Variants in SGCD observed in about 807,000 individuals in gnomAD.
SGCD encodes sarcoglycan delta.
SGCD carries 18 observed loss-of-function variants against 36.6 expected under a neutral mutation model. The ratio of observed to expected loss-of-function variants is 0.49; its 90% CI spans 0.34 to 0.73. The LOEUF (loss-of-function observed/expected upper bound fraction) is 0.73. SGCD is among the 30% of genes least tolerant of loss of function. The pLI, the probability that SGCD is intolerant of heterozygous loss-of-function variation, is 0.01. For synonymous variants in SGCD, 133 were observed against 130.6 expected, an observed-to-expected ratio of 1.02 and a Z score of -0.12; for missense variants, 387 against 346.7, an observed-to-expected ratio of 1.12 and a Z score of -0.92.
intron 3 of SGCD, among the ~76,000 whole-genome samples, chr5:156,422,245 A>G (rs1773343688): frequency 6.6e-6 from 1 of 152,118 alleles, no homozygotes; most frequent in Non-Finnish European, 1.5e-5. Flanking sequence ...GTCCAAAACA[A>G]TATCCCTGTT....
At chr5:155,838,053 G>A in the SGCD span, among the ~76,000 whole-genome samples, 11 of 152,054 alleles carry the variant, frequency 7.2e-5, no homozygotes, top group African/African-American at 2.2e-4. Flanking sequence ...AACTCCTACC[G>A]ATGCTCCCTC....
rs554816478 is a variant in SGCD at position 156,075,522 on chromosome 5, G to A, written c.-281-42356G>A. Among the ~76,000 whole-genome samples, 55 of 152,238 alleles carry A rather than the reference G, an allele frequency of 3.6e-4. 1 individual carries two copies. Among genetic ancestry groups the A allele is most frequent in the African/African-American group, 1.3e-3 (52 of 41,540 alleles). On this transcript the variant is annotated intron_variant, in intron 1 of 9. Coordinates refer to the SGCD transcript ENST00000517913. The stretch of plus-strand genomic sequence containing the variant: ...ATCCAAACCCAGATTGAGGGCCCAG[G>A]AACATCAGGATTTAAGGGTTGGAAT...
chr5:156,307,555 G>GTTGTTTTTT (rs1188757705), intron 3 of SGCD, among the ~76,000 whole-genome samples: 2 of 41,154 alleles, frequency 4.9e-5, no homozygotes, highest in Non-Finnish European at 9.7e-5. Flanking sequence ...TTTAACTGTT[G>GTTGTTTTTT]TTTTTTTTTT....
the SGCD span, among the ~76,000 whole-genome samples, chr5:155,795,588 A>C: frequency 2.6e-5 from 4 of 152,220 alleles, no homozygotes; most frequent in Admixed American, 2.6e-4. Flanking sequence ...AAAGAGAATA[A>C]ATATGAACAA....
intron 3 of SGCD, among the ~76,000 whole-genome samples, chr5:156,364,023 C>T (rs2127733434): frequency 6.6e-6 from 1 of 152,286 alleles, no homozygotes; most frequent in East Asian, 1.9e-4. Context: ...ACAAGTCCCA[C>T]ACCTAATACT....
intron 7 of SGCD, among the ~76,000 whole-genome samples, chr5:156,741,978 C>A (rs1276562934): frequency 8.5e-5 from 13 of 152,058 alleles, no homozygotes. Context: ...CAGCTTCATG[C>A]CATTCTCCTG....
At chr5:156,007,224 G>T (rs888191846) in intron 1 of SGCD, among the ~76,000 whole-genome samples, 1 of 152,048 alleles carries the variant, frequency 6.6e-6, no homozygotes, top group African/African-American at 2.4e-5. Flanking sequence ...CACTCTGCTT[G>T]GTAAGCACCC....
chr5:156,222,780 A>G (rs903334479), intron 3 of SGCD, among the ~76,000 whole-genome samples: 1 of 152,162 alleles, frequency 6.6e-6, no homozygotes, highest in African/African-American at 2.4e-5. Flanking sequence ...TTACTTTAAA[A>G]GATGCAATTA....
intron 3 of SGCD, 122 bp from the exon 4 acceptor site, chr5:156,508,479 C>A (rs1756798023): frequency 3.1e-6 from 2 of 638,330 alleles, no homozygotes; most frequent in Non-Finnish European, 2.8e-6. Flanking sequence ...GAATACCCGT[C>A]CTCATTCCAC....
chr5:156,421,359 G>T (rs920602082), intron 3 of SGCD, among the ~76,000 whole-genome samples: 23 of 152,088 alleles, frequency 1.5e-4, no homozygotes, highest in African/African-American at 5.3e-4. Flanking sequence ...GCGTGGATTT[G>T]CATCCTGAAT....
intron 3 of SGCD, among the ~76,000 whole-genome samples, chr5:156,362,176 G>A (rs1262412930): frequency 6.6e-6 from 1 of 152,184 alleles, no homozygotes; most frequent in Non-Finnish European, 1.5e-5. Context: ...ATGTACTTGA[G>A]TCTCCACACT....
chr5:156,108,975 T>C (rs1561724539), intron 1 of SGCD, among the ~76,000 whole-genome samples: 2 of 152,144 alleles, frequency 1.3e-5, no homozygotes, highest in Admixed American at 6.6e-5. Context: ...AAACAGTGAG[T>C]ATAGGCCGTG....
chr5:155,853,165 T>C, the SGCD span, among the ~76,000 whole-genome samples: 105 of 149,368 alleles, frequency 7.0e-4, no homozygotes, highest in African/African-American at 2.4e-3. Flanking sequence ...ATATTATAAC[T>C]GAGATAAAAT....
chr5:156,461,612 T>C (rs1054141891), intron 3 of SGCD, among the ~76,000 whole-genome samples: 8 of 152,100 alleles, frequency 5.3e-5, no homozygotes, highest in Non-Finnish European at 1.0e-4. Flanking sequence ...TTCACTCTTT[T>C]TTTCTCGGGT....
intron 1 of SGCD, among the ~76,000 whole-genome samples, chr5:155,981,206 G>A (rs778954834): frequency 6.6e-6 from 1 of 152,138 alleles, no homozygotes; most frequent in Non-Finnish European, 1.5e-5. Flanking sequence ...GACAATGTGG[G>A]ACAAAGCTCG....
intron 3 of SGCD, among the ~76,000 whole-genome samples, chr5:156,137,523 T>C (rs1389970840): frequency 6.6e-6 from 1 of 152,182 alleles, no homozygotes; most frequent in Non-Finnish European, 1.5e-5. Context: ...TCTTCATGCT[T>C]TTCATAGCAT....
chr5:155,898,300 G>A (rs923352477), intron 1 of SGCD, among the ~76,000 whole-genome samples: 3 of 152,154 alleles, frequency 2.0e-5, no homozygotes, highest in South Asian at 2.1e-4. Flanking sequence ...TGGAGTGATA[G>A]CAGTGATATG....
At chr5:156,115,266 T>C (rs1353751403) in intron 1 of SGCD, among the ~76,000 whole-genome samples, 3 of 152,144 alleles carry the variant, frequency 2.0e-5, no homozygotes, top group Non-Finnish European at 4.4e-5. Flanking sequence ...ATTAGGATCA[T>C]TTTGGTAAAC....
intron 3 of SGCD, among the ~76,000 whole-genome samples, chr5:156,500,687 C>A (rs1756407579): frequency 6.6e-6 from 1 of 152,240 alleles, no homozygotes; most frequent in Admixed American, 6.5e-5. Flanking sequence ...TAACAACGAC[C>A]AACGTTTGCC....
Sources: gnomAD v4.1 joint callset for allele counts (sites outside exome capture counted in the v4.1 genomes callset) on GRCh38, gnomAD v4.1.1 for gene constraint, MANE v1.5 for transcripts, NCBI Gene and HGNC (gene_info 2026-07-23, HGNC 2026-07-21) for gene names.